The following ARB2A variants were observed in gnomAD, a reference collection of about 807,000 sequenced individuals.
ARB2A encodes cotranscriptional regulator ARB2A.
the ARB2A span, among the ~76,000 whole-genome samples, chr5:93,673,407 C>G: frequency 2.7e-5 from 4 of 149,650 alleles, no homozygotes; most frequent in African/African-American, 7.4e-5. Flanking sequence ...TCTTTCTTTT[C>G]TCTTTCAGCA....
chr5:93,808,956 G>C, the ARB2A span, among the ~76,000 whole-genome samples: 2 of 152,038 alleles, frequency 1.3e-5, no homozygotes, highest in South Asian at 2.1e-4. Context: ...TAAGAAAACT[G>C]TAAATATCTA....
At chr5:94,000,251 G>A in the ARB2A span, among the ~76,000 whole-genome samples, 1 of 152,054 alleles carries the variant, frequency 6.6e-6, no homozygotes, top group Non-Finnish European at 1.5e-5. Context: ...ATCTTCCAAT[G>A]TGGCTGAAAC....
At chr5:93,864,252 T>TGTAAA in the ARB2A span, among the ~76,000 whole-genome samples, 1 of 152,178 alleles carries the variant, frequency 6.6e-6, no homozygotes, top group African/African-American at 2.4e-5. Context: ...ACATTATTTC[T>TGTAAA]CCTAAACAAT....
the ARB2A span, chr5:93,781,777 G>T: frequency 3.9e-6 from 2 of 507,108 alleles, no homozygotes; most frequent in Non-Finnish European, 5.1e-6. Context: ...CTGATGATTA[G>T]TGATGTCGAG....
At chr5:93,704,290 C>T in the ARB2A span, among the ~76,000 whole-genome samples, 2 of 152,144 alleles carry the variant, frequency 1.3e-5, no homozygotes, top group African/African-American at 4.8e-5. Context: ...AGTGGACTTG[C>T]AACAAACTTA....
chr5:94,087,750 C>T, the ARB2A span, among the ~76,000 whole-genome samples: 2 of 152,166 alleles, frequency 1.3e-5, no homozygotes, highest in African/African-American at 4.8e-5. Context: ...TATATTTTTA[C>T]TGTACCTTTT....
At chr5:94,014,801 A>G in the ARB2A span, among the ~76,000 whole-genome samples, 1 of 151,290 alleles carries the variant, frequency 6.6e-6, no homozygotes, top group Non-Finnish European at 1.5e-5. Flanking sequence ...CAATGAAAGG[A>G]AAGAATCAGA....
At chr5:93,702,715 T>C in the ARB2A span, among the ~76,000 whole-genome samples, 2 of 152,170 alleles carry the variant, frequency 1.3e-5, no homozygotes. Context: ...CCAGTGTTGC[T>C]ATGAAGTCTC....
chr5:94,059,125 A>G, the ARB2A span, among the ~76,000 whole-genome samples: 1 of 151,950 alleles, frequency 6.6e-6, no homozygotes, highest in African/African-American at 2.4e-5. Context: ...AGTCTCAAGC[A>G]TGCCTTCATA....
the ARB2A span, among the ~76,000 whole-genome samples, chr5:94,073,040 T>C: frequency 6.6e-5 from 10 of 152,106 alleles, no homozygotes; most frequent in African/African-American, 2.2e-4. Context: ...TAGGGAAAAG[T>C]TAAATCACCT....
At chr5:93,988,873 A>G in the ARB2A span, among the ~76,000 whole-genome samples, 3 of 152,166 alleles carry the variant, frequency 2.0e-5, no homozygotes, top group Non-Finnish European at 4.4e-5. Context: ...ACACATCTAA[A>G]TAAGTCATGA....
At chr5:93,695,611 G>A in the ARB2A span, among the ~76,000 whole-genome samples, 1 of 152,198 alleles carries the variant, frequency 6.6e-6, no homozygotes, top group East Asian at 1.9e-4. Flanking sequence ...TTCACCCATT[G>A]TGGAAGACAG....
At chr5:93,848,978 C>T in the ARB2A span, among the ~76,000 whole-genome samples, 2 of 152,184 alleles carry the variant, frequency 1.3e-5, no homozygotes, top group Admixed American at 6.5e-5. Context: ...CCTTTCAACA[C>T]CCTGCCTCTG....
At chr5:93,893,387 T>C in the ARB2A span, among the ~76,000 whole-genome samples, 1 of 152,168 alleles carries the variant, frequency 6.6e-6, no homozygotes, top group Non-Finnish European at 1.5e-5. Flanking sequence ...CAATTACTGA[T>C]AATCTGCTTA....
At chr5:93,795,609 C>T in the ARB2A span, among the ~76,000 whole-genome samples, 1 of 152,138 alleles carries the variant, frequency 6.6e-6, no homozygotes, top group Non-Finnish European at 1.5e-5. Context: ...TAATCCTCTA[C>T]ATTCAAATCT....
the ARB2A span, among the ~76,000 whole-genome samples, chr5:93,965,493 T>G: frequency 6.6e-6 from 1 of 152,166 alleles, no homozygotes; most frequent in South Asian, 2.1e-4. Flanking sequence ...ATAATAAATT[T>G]GTGTTGCTTT....
chr5:94,041,984 A>C, the ARB2A span, among the ~76,000 whole-genome samples: 1 of 152,188 alleles, frequency 6.6e-6, no homozygotes, highest in African/African-American at 2.4e-5. Flanking sequence ...CATGTAACTG[A>C]GACTACAGAA....
the ARB2A span, among the ~76,000 whole-genome samples, chr5:93,802,619 G>A: frequency 2.6e-5 from 4 of 151,942 alleles, no homozygotes; most frequent in Non-Finnish European, 5.9e-5. Context: ...AAAAGCACAA[G>A]ACATAATTAT....
At chr5:93,804,842 T>TG in the ARB2A span, 1 of 724,722 alleles carries the variant, frequency 1.4e-6, no homozygotes, top group Non-Finnish European at 1.7e-6. Flanking sequence ...TTGATTATTT[T>TG]GAAAAATTTG....
Sources: allele counts gnomAD v4.1 joint callset (sites outside exome capture counted in the v4.1 genomes callset), GRCh38; gene constraint gnomAD v4.1.1; transcripts MANE v1.5; gene names NCBI Gene and HGNC (gene_info 2026-07-23, HGNC 2026-07-21).